The following TBC1D22B variants were observed in gnomAD, a reference collection of about 807,000 sequenced individuals.
TBC1D22B encodes the protein chromosome 6 open reading frame 197.
TBC1D22B carries 32 observed loss-of-function variants against 69.1 expected under a neutral mutation model. The observed-to-expected ratio is 0.46, with a 90% CI of 0.35 to 0.62. The LOEUF (loss-of-function observed/expected upper bound fraction) is 0.62. Among genes scored for constraint, TBC1D22B ranks in the 20% least tolerant of loss-of-function variants. The probability of loss-of-function intolerance (pLI) is 0.00; values close to 1 mark genes in which losing one functional copy is unlikely to be tolerated. For missense variants in TBC1D22B, 462 were observed against 630.9 expected (o/e 0.73, Z 2.87); for synonymous variants, 206 against 229.8 (o/e 0.90, Z 0.94).
intron 1 of TBC1D22B, among the ~76,000 whole-genome samples, chr6:37,268,282 T>C (rs1016968556): frequency 1.3e-5 from 2 of 152,116 alleles, no homozygotes; most frequent in Non-Finnish European, 2.9e-5. Context: ...GGGTCCAGGC[T>C]GGAGTGCAGT....
intron 2 of TBC1D22B, among the ~76,000 whole-genome samples, chr6:37,272,384 CAG>C (rs1018848024): frequency 1.5e-5 from 2 of 131,080 alleles, no homozygotes; most frequent in African/African-American, 2.9e-5. Context: ...TTTTTTTAAA[CAG>C]AGTCTTGCGC....
chr6:37,260,655 A>C (rs887596067), intron 1 of TBC1D22B, among the ~76,000 whole-genome samples: 1 of 151,836 alleles, frequency 6.6e-6, no homozygotes, highest in African/African-American at 2.4e-5. Context: ...CATCCACCCC[A>C]CTCCAGACCC....
At chr6:37,327,641 G>T (rs11963704) in intron 12 of TBC1D22B, among the ~76,000 whole-genome samples, 3 of 152,152 alleles carry the variant, frequency 2.0e-5, no homozygotes, top group Admixed American at 6.5e-5. Context: ...AAGATGTTCC[G>T]ATCAGCTAAA....
chr6:37,317,145 A>G lies in TBC1D22B; in HGVS notation c.1328A>G (p.Tyr443Cys), dbSNP rs756912202. ...GAAGGGTTCTCCCACTTTCATCTCTACGTGTGTGCAGCCTTCTTGATCAAG... is the reference window on the plus strand; with the variant it reads ...GAAGGGTTCTCCCACTTTCATCTCTGCGTGTGTGCAGCCTTCTTGATCAAG... ...EPEGFSHFHL[Y>C]VCAAFLIKWR... Residue 443 changes from tyrosine to cysteine, a missense_variant, in exon 12 of 13, where the codon TAC becomes TGC. This residue lies in a region of TBC1D22B where 225 missense variants were observed against 375.4 expected (regional missense o/e 0.60). Transcript: ENST00000373491. 1.9e-6 allele frequency: 3 copies of G among 1,578,060 alleles called. No homozygotes were observed. The highest frequency in any genetic ancestry group is 8.6e-7 in the Non-Finnish European group (1 of 1,159,636).
chr6:37,305,143 A>T (rs1767672109), intron 8 of TBC1D22B, among the ~76,000 whole-genome samples: 1 of 152,180 alleles, frequency 6.6e-6, no homozygotes, highest in Non-Finnish European at 1.5e-5. Context: ...CCCCACGCTC[A>T]GTCCTGGGAG....
At chr6:37,321,200 A>ATC (rs1653641239) in intron 12 of TBC1D22B, among the ~76,000 whole-genome samples, 1 of 149,270 alleles carries the variant, frequency 6.7e-6, no homozygotes, top group South Asian at 2.1e-4. Flanking sequence ...TCATAGCAAG[A>ATC]TTTTTTTTTT....
intron 8 of TBC1D22B, among the ~76,000 whole-genome samples, chr6:37,295,099 A>T (rs550333449): frequency 1.3e-5 from 2 of 152,040 alleles, no homozygotes; most frequent in Admixed American, 1.3e-4. Flanking sequence ...TTTTAAAAAA[A>T]TTTTATTTAT....
At chr6:37,282,787 A>G in intron 4 of TBC1D22B, 95 bp from the exon 5 acceptor site, 1 of 1,215,122 alleles carries the variant, frequency 8.2e-7, no homozygotes, top group Non-Finnish European at 1.2e-6. Context: ...TGGTGGTCTT[A>G]CATGGATGGA....
At chr6:37,315,368 G>A (rs1768045592) in intron 10 of TBC1D22B, among the ~76,000 whole-genome samples, 1 of 151,984 alleles carries the variant, frequency 6.6e-6, no homozygotes, top group Non-Finnish European at 1.5e-5. Context: ...ACCAGCCTGG[G>A]CAACATGGTG....
At chr6:37,313,227 C>T (rs1056459509) in intron 9 of TBC1D22B, among the ~76,000 whole-genome samples, 15 of 152,178 alleles carry the variant, frequency 9.9e-5, no homozygotes, top group East Asian at 7.7e-4. Flanking sequence ...CGGTGGCTCA[C>T]GCCTGTAATC....
intron 4 of TBC1D22B, among the ~76,000 whole-genome samples, 179 bp downstream of exon 4, chr6:37,282,543 A>AAATTAGGTGGGACTG (rs1766868971): frequency 6.6e-6 from 1 of 152,202 alleles, no homozygotes; most frequent in African/African-American, 2.4e-5. Flanking sequence ...ATTATGGACC[A>AAATTAGGTGGGACTG]AATTAGGTGG....
chr6:37,302,632 G>A (rs1163437799), intron 8 of TBC1D22B, among the ~76,000 whole-genome samples: 3 of 152,108 alleles, frequency 2.0e-5, no homozygotes, highest in Non-Finnish European at 2.9e-5. Context: ...CTTTTCCTTT[G>A]CATAAAACAG....
intron 1 of TBC1D22B, among the ~76,000 whole-genome samples, chr6:37,268,507 T>C (rs1395283718): frequency 2.6e-5 from 4 of 152,098 alleles, no homozygotes; most frequent in African/African-American, 9.7e-5. Context: ...AGGATTACAG[T>C]TGTGAGCCAT....
intron 8 of TBC1D22B, among the ~76,000 whole-genome samples, chr6:37,304,998 G>T (rs1767666581): frequency 1.3e-5 from 2 of 152,224 alleles, no homozygotes; most frequent in Non-Finnish European, 2.9e-5. Context: ...TGACATTTGA[G>T]CAGAGCCCTG....
intron 12 of TBC1D22B, among the ~76,000 whole-genome samples, chr6:37,325,392 CATGTGAT>C (rs1768360415): frequency 6.6e-6 from 1 of 152,136 alleles, no homozygotes; most frequent in Admixed American, 6.5e-5. Context: ...CATCTGACTG[CATGTGAT>C]ACTTAAGTGC....
Position 37,316,881 on chromosome 6 carries a change from A to G in TBC1D22B, c.1293+51A>G, listed in dbSNP as rs765113337. ...GTGCCAGGCTGTCTCTGAGGTGTCC[A>G]GCTCTCTGCCATGTTGTGGAATGTA... On this transcript the variant is annotated intron_variant, in intron 11 of 12. Transcript: ENST00000373491. 2.5e-6 allele frequency: 4 copies of G among 1,611,682 alleles called. 1 individual carries two copies. The South Asian group carries it at 4.4e-5, about 18-fold the overall frequency.
Position 37,313,796 on chromosome 6 carries a change from G to A in TBC1D22B, c.1090-20G>A, listed in dbSNP as rs768234110. The A allele has an allele frequency of 6.2e-7, 1 of 1,612,626 alleles. No homozygotes were observed. On this transcript the variant is annotated intron_variant, in intron 9 of 12. Transcript: ENST00000373491. ...ACAAGTTAGAGTCCATGTTCATCCTGGGCTCTGTGTCATTTGCAGGATAAC... is the reference window on the plus strand; with the variant it reads ...ACAAGTTAGAGTCCATGTTCATCCTAGGCTCTGTGTCATTTGCAGGATAAC...
At chr6:37,264,900 T>C (rs1023499844) in intron 1 of TBC1D22B, among the ~76,000 whole-genome samples, 1 of 152,020 alleles carries the variant, frequency 6.6e-6, no homozygotes, top group African/African-American at 2.4e-5. Context: ...TGAGTTTGGG[T>C]TTGGAAGGAG....
intron 1 of TBC1D22B, among the ~76,000 whole-genome samples, chr6:37,264,042 ATT>A (rs11302112): frequency 0.019 from 2,821 of 149,934 alleles, 69 homozygotes; most frequent in East Asian, 0.064. Context: ...AATGTTTTGT[ATT>A]TTTTTTTTTT....
Sources: allele counts gnomAD v4.1 joint callset (sites outside exome capture counted in the v4.1 genomes callset), GRCh38; gene constraint gnomAD v4.1.1; regional missense constraint gnomAD v4.1.1; transcripts MANE v1.5; gene names NCBI Gene and HGNC (gene_info 2026-07-23, HGNC 2026-07-21).